The following ZWILCH variants were observed in gnomAD, a reference collection of about 807,000 sequenced individuals.
The protein encoded by ZWILCH is zwilch kinetochore protein, also known as protein zwilch homolog.
A neutral mutation model predicts 79.9 loss-of-function variants in ZWILCH; 74 were observed. The observed-to-expected ratio is 0.93, with a 90% CI of 0.77 to 1.12. The LOEUF (loss-of-function observed/expected upper bound fraction) is 1.12. Among genes scored for constraint, ZWILCH ranks in the 50% most tolerant of loss-of-function variants. The pLI, the probability that ZWILCH is intolerant of heterozygous loss-of-function variation, is 0.00. For missense variants in ZWILCH, 694 were observed against 687.5 expected (o/e 1.01, Z -0.11); for synonymous variants, 241 against 228.2 (o/e 1.06, Z -0.51).
Position 66,527,856 on chromosome 15 carries a change from G to C in ZWILCH, c.914-1G>C. 6.3e-7 allele frequency: 1 copy of C among 1,598,470 alleles called. No individual in the cohort carries two copies. ...GCTAATAAACTTTTGCCACTTTCTAGACTTAAATAAGCTGGATGGATTTGG... is the reference window on the plus strand; with the variant it reads ...GCTAATAAACTTTTGCCACTTTCTACACTTAAATAAGCTGGATGGATTTGG... On this transcript the variant is annotated splice_acceptor_variant, in intron 9 of 18. Transcript: ENST00000307897. LOFTEE classifies it high-confidence loss of function.
At position 66,517,430 on chromosome 15, in the gene ZWILCH, G is replaced by GTATATATATATATA. The variant is rs1555424251; in HGVS notation, c.321-1436_321-1423dup. On this transcript the variant is annotated intron_variant, in intron 4 of 18. Coordinates refer to ENST00000307897, the MANE Select transcript of ZWILCH (RefSeq NM_017975.5). ...TGTTTGTGTGTGCGTGTGTGTGTGTGTATATATATATATATATATATATAT... is the reference window on the plus strand; with the variant it reads ...TGTTTGTGTGTGCGTGTGTGTGTGTGTATATATATATATATATATATATATATATATATATATAT... 1.4e-3 allele frequency among the ~76,000 whole-genome samples: 95 copies of GTATATATATATATA among 66,488 alleles called. 2 individuals carry two copies. The highest frequency in any genetic ancestry group is 5.5e-3 in the African/African-American group (89 of 16,316). The allele number at this position is 66,488 out of a possible 152,430, so 43.6% of individuals were successfully genotyped here. A position where few individuals can be genotyped will look rare whatever the true frequency, so the allele number is the denominator to read the frequency against.
intron 12 of ZWILCH, among the ~76,000 whole-genome samples, chr15:66,531,042 A>G (rs1364357744): frequency 2.0e-5 from 3 of 152,244 alleles, no homozygotes; most frequent in African/African-American, 7.2e-5. Flanking sequence ...TTATGATGAA[A>G]GTTAAAGTAG....
intron 8 of ZWILCH, among the ~76,000 whole-genome samples, chr15:66,525,649 TACAC>T (rs1243234160): frequency 6.6e-6 from 1 of 152,022 alleles, no homozygotes; most frequent in Non-Finnish European, 1.5e-5. Context: ...GGGACCATGG[TACAC>T]ACACCAAGAT....
intron 4 of ZWILCH, among the ~76,000 whole-genome samples, chr15:66,517,430 G>GTGTGTGTATATATA: frequency 0.021 from 1,410 of 66,430 alleles, 50 homozygotes; most frequent in East Asian, 0.075. Context: ...GTGTGTGTGT[G>GTGTGTGTATATATA]TATATATATA....
chr15:66,550,117 C>A lies in ZWILCH; in HGVS notation c.*1793C>A. On this transcript the variant is annotated 3_prime_UTR_variant, in exon 19 of 19. Coordinates refer to ENST00000307897, the MANE Select transcript of ZWILCH (RefSeq NM_017975.5). Reference sequence around the variant, plus strand: ...ACCAACTTTCCACCTAATAAAAACCCACTTGATAAGTAATGTTGTCTTAGA... The same window carrying A: ...ACCAACTTTCCACCTAATAAAAACCAACTTGATAAGTAATGTTGTCTTAGA... 6.4e-7 allele frequency: 1 copy of A among 1,573,630 alleles called. No homozygotes were observed. The highest frequency in any genetic ancestry group is 8.7e-7 in the Non-Finnish European group (1 of 1,156,010).
rs111425050 is a variant in ZWILCH, at chr15:66,517,891, C to T, written c.321-988C>T. 2.2e-3 allele frequency among the ~76,000 whole-genome samples: 335 copies of T among 151,710 alleles called. 3 individuals carry two copies. The highest frequency in any genetic ancestry group is 7.5e-3 in the African/African-American group (312 of 41,352). ...GGGATTACAAGCACAAGTCACCACACCCGGCTAATTTTTGTATTTTTAGTA... is the reference window on the plus strand; with the variant it reads ...GGGATTACAAGCACAAGTCACCACATCCGGCTAATTTTTGTATTTTTAGTA... On this transcript the variant is annotated intron_variant, in intron 4 of 18. Coordinates refer to ENST00000307897, the MANE Select transcript of ZWILCH (RefSeq NM_017975.5).
At chr15:66,513,479 T>C (rs1369469126) in intron 2 of ZWILCH, among the ~76,000 whole-genome samples, 2 of 151,932 alleles carry the variant, frequency 1.3e-5, no homozygotes, top group African/African-American at 4.8e-5. Flanking sequence ...GATGGGAGGA[T>C]TGCTTGAGCC....
intron 5 of ZWILCH, among the ~76,000 whole-genome samples, chr15:66,520,142 G>T (rs1436363486): frequency 6.6e-6 from 1 of 151,100 alleles, no homozygotes; most frequent in Admixed American, 6.6e-5. Context: ...GTTTTTTGAG[G>T]TAGGATCTTA....
At chr15:66,513,211 G>A (rs905909196) in intron 2 of ZWILCH, among the ~76,000 whole-genome samples, 12 of 152,100 alleles carry the variant, frequency 7.9e-5, no homozygotes, top group Non-Finnish European at 1.5e-4. Flanking sequence ...GATTACAGGC[G>A]TGAGCTACTG....
chr15:66,529,263 T>C (rs1894785823), intron 11 of ZWILCH, among the ~76,000 whole-genome samples: 2 of 152,224 alleles, frequency 1.3e-5, no homozygotes, highest in African/African-American at 2.4e-5. Flanking sequence ...GGAAAAGATA[T>C]TCTTTAGTAT....
chr15:66,508,967 T>C (rs757068197), intron 2 of ZWILCH, 75 bp downstream of exon 2: 42 of 1,512,196 alleles, frequency 2.8e-5, no homozygotes, highest in Non-Finnish European at 3.8e-5. Flanking sequence ...TGAGACGGAG[T>C]CATGCTCTGT....
At chr15:66,508,754 C>T (rs966490557) in intron 1 of ZWILCH, 87 bp from the exon 2 acceptor site, 31 of 1,580,904 alleles carry the variant, frequency 2.0e-5, no homozygotes, top group Admixed American at 5.4e-5. Context: ...AGGTGTCCTG[C>T]AGAGATAAAG....
intron 16 of ZWILCH, among the ~76,000 whole-genome samples, chr15:66,539,524 A>T (rs1206340658): frequency 6.6e-6 from 1 of 151,826 alleles, no homozygotes; most frequent in African/African-American, 2.4e-5. Context: ...ATCATTTCAT[A>T]CCTGGACTGT....
At chr15:66,521,911 C>G (rs542078373) in intron 7 of ZWILCH, among the ~76,000 whole-genome samples, 2 of 152,244 alleles carry the variant, frequency 1.3e-5, no homozygotes, top group South Asian at 2.1e-4. Context: ...AGAAATCAGT[C>G]AAAATTGGCT....
At chr15:66,523,335 A>G (rs1894566417) in intron 7 of ZWILCH, 1 of 193,494 alleles carries the variant, frequency 5.2e-6, no homozygotes, top group Admixed American at 5.7e-5. Flanking sequence ...TTATCACCGA[A>G]TCTTGAGATA....
At chr15:66,528,707 C>T (rs763520768) in intron 10 of ZWILCH, 145 bp from the exon 11 acceptor site, 1 of 618,210 alleles carries the variant, frequency 1.6e-6, no homozygotes, top group Non-Finnish European at 2.8e-6. Context: ...TGTATCTCCT[C>T]ATTAGTGAAT....
chr15:66,533,855 C>T (rs531571263), intron 14 of ZWILCH, among the ~76,000 whole-genome samples: 1 of 152,204 alleles, frequency 6.6e-6, no homozygotes, highest in East Asian at 1.9e-4. Flanking sequence ...CACAGTGGCT[C>T]CCTCCTGTAA....
chr15:66,510,990 GTTAGACCTTCAAGATACCATT>G (rs1002753171), intron 2 of ZWILCH, among the ~76,000 whole-genome samples: 1 of 152,108 alleles, frequency 6.6e-6, no homozygotes, highest in Non-Finnish European at 1.5e-5. Flanking sequence ...GGAACTGGAG[GTTAGACCTTCAAGATACCATT>G]TTTGGGGATA....
rs1895506973 is a variant in ZWILCH at position 66,549,358 on chromosome 15, A to G, written c.*1034A>G. Reference sequence around the variant, plus strand: ...GCTTTATTGGCCTGTAAAAATAGCTAGTTTGGTAAGATTTGGTCTCGCACC... The same window carrying G: ...GCTTTATTGGCCTGTAAAAATAGCTGGTTTGGTAAGATTTGGTCTCGCACC... On this transcript the variant is annotated 3_prime_UTR_variant, in exon 19 of 19. Coordinates refer to ENST00000307897, the MANE Select transcript of ZWILCH (RefSeq NM_017975.5). The G allele has an allele frequency of 6.6e-6, 1 of 152,196 alleles. No homozygotes were observed. Among genetic ancestry groups the G allele is most frequent in the Non-Finnish European group, 1.5e-5 (1 of 68,038 alleles). 9.4% of individuals were successfully genotyped at this position (152,196 alleles called of 1,614,324 possible).
Sources: gnomAD v4.1 joint callset for allele counts (sites outside exome capture counted in the v4.1 genomes callset) on GRCh38, gnomAD v4.1.1 for gene constraint, MANE v1.5 for transcripts, NCBI Gene and HGNC (gene_info 2026-07-23, HGNC 2026-07-21) for gene names.